FBN1: variants seen among roughly 807,000 people sequenced by gnomAD.
FBN1 encodes the protein fibrillin 1, also known as fibrillin-1.
Under a neutral mutation model 365.1 loss-of-function variants are expected in FBN1, and 29 were observed. That is an observed-to-expected ratio of 0.08 (90% CI 0.06 to 0.11). The LOEUF (loss-of-function observed/expected upper bound fraction) is 0.11, where lower values mean the gene tolerates loss of function less well. Among genes scored for constraint, FBN1 ranks in the 10% least tolerant of loss-of-function variants. FBN1 has a pLI of 1.00. For missense variants in FBN1, 2,476 were observed against 3,703.2 expected (o/e 0.67, Z 8.60); for synonymous variants, 1,210 against 1,270.5 (o/e 0.95, Z 1.01).
chr15:48,458,454 T>C (rs1488899995), intron 43 of FBN1, among the ~76,000 whole-genome samples: 1 of 152,222 alleles, frequency 6.6e-6, no homozygotes, highest in African/African-American at 2.4e-5. Flanking sequence ...CTTTCACACC[T>C]TTGTCATTCA....
At chr15:48,587,571 G>A (rs1457252152) in intron 6 of FBN1, among the ~76,000 whole-genome samples, 1 of 152,094 alleles carries the variant, frequency 6.6e-6, no homozygotes, top group Non-Finnish European at 1.5e-5. Flanking sequence ...TTTTCCCCAG[G>A]TCAATACAAG....
rs549747216 is a variant in FBN1 at position 48,445,145 on chromosome 15, CAT to C, written c.5917+229_5917+230del. ...ACACATATATATATATACACACACA[CAT>C]ATATATATACATATATATATACACA... On this transcript the variant is annotated intron_variant, in intron 48 of 65. Coordinates refer to ENST00000316623, the MANE Select transcript of FBN1 (RefSeq NM_000138.5). 6.4e-3 allele frequency among the ~76,000 whole-genome samples: 684 copies of C among 106,776 alleles called. No homozygotes were observed. Among genetic ancestry groups the C allele is most frequent in the African/African-American group, 0.025 (615 of 25,048 alleles). 70.0% of individuals were successfully genotyped at this position (106,776 alleles called of 152,430 possible).
chr15:48,490,516 G>A (rs987217147), intron 24 of FBN1, among the ~76,000 whole-genome samples: 2 of 152,176 alleles, frequency 1.3e-5, no homozygotes, highest in Non-Finnish European at 2.9e-5. Context: ...CTTTTCCTCC[G>A]ACCCACTTCA....
At chr15:48,498,467 T>C (rs139695816) in intron 18 of FBN1, among the ~76,000 whole-genome samples, 13 of 152,322 alleles carry the variant, frequency 8.5e-5, no homozygotes, top group Non-Finnish European at 1.8e-4. Context: ...CTTTTTAACT[T>C]TAATTCCTTG....
chr15:48,467,817 A>G (rs2043334999), intron 38 of FBN1, 121 bp downstream of exon 38: 1 of 938,356 alleles, frequency 1.1e-6, no homozygotes, highest in Non-Finnish European at 1.7e-6. Context: ...GGTCCCCTCT[A>G]CAGGGCTGAG....
chr15:48,437,619 C>T, intron 51 of FBN1, 149 bp downstream of exon 51: 1 of 960,378 alleles, frequency 1.0e-6, no homozygotes, highest in Non-Finnish European at 1.6e-6. Context: ...TACCAAGCTC[C>T]TGAGATAAAA....
intron 49 of FBN1, among the ~76,000 whole-genome samples, chr15:48,442,245 T>C (rs2043121633): frequency 6.6e-6 from 1 of 152,200 alleles, no homozygotes; most frequent in African/African-American, 2.4e-5. Context: ...ACATTGCTAG[T>C]GACTCACTCA....
At chr15:48,614,543 C>A (rs1208614502) in intron 2 of FBN1, among the ~76,000 whole-genome samples, 2 of 152,128 alleles carry the variant, frequency 1.3e-5, no homozygotes, top group African/African-American at 4.8e-5. Flanking sequence ...CCCTGCAGGG[C>A]ACCACACATG....
intron 6 of FBN1, among the ~76,000 whole-genome samples, chr15:48,558,670 C>G (rs927537355): frequency 6.6e-6 from 1 of 152,138 alleles, no homozygotes; most frequent in Admixed American, 6.5e-5. Flanking sequence ...GAATAGCAGA[C>G]AGATCAGATT....
At chr15:48,413,067 T>C (rs1274648525) in intron 64 of FBN1, among the ~76,000 whole-genome samples, 1 of 152,218 alleles carries the variant, frequency 6.6e-6, no homozygotes, top group African/African-American at 2.4e-5. Context: ...AACAAGAGAA[T>C]AGTAGATGAG....
chr15:48,532,866 T>C (rs10152750), intron 8 of FBN1, among the ~76,000 whole-genome samples: 1 of 152,200 alleles, frequency 6.6e-6, no homozygotes, highest in Non-Finnish European at 1.5e-5. Flanking sequence ...GAAAGAACTA[T>C]TTTTTCACAA....
intron 8 of FBN1, among the ~76,000 whole-genome samples, chr15:48,531,918 G>A (rs1007787072): frequency 1.3e-5 from 2 of 151,952 alleles, no homozygotes; most frequent in African/African-American, 4.8e-5. Context: ...TGTAATAGTA[G>A]ATGGCAAAGG....
rs1233416310 is a variant in FBN1 at position 48,526,370 on chromosome 15, A to G, written c.863-115T>C. 8 of 1,162,250 alleles carry G rather than the reference A, an allele frequency of 6.9e-6. No individual in the cohort carries two copies. In the East Asian group the frequency reaches 7.3e-5, roughly 11 times the overall value. 72.0% of individuals were successfully genotyped at this position (1,162,250 alleles called of 1,614,324 possible). A position where few individuals can be genotyped will look rare whatever the true frequency, so the allele number is the denominator to read the frequency against. ...AATCATGTCCCTGGAAACAGCCATCATTAAAAAGTAAAAACCGCATGGAGA... is the reference window on the plus strand; with the variant it reads ...AATCATGTCCCTGGAAACAGCCATCGTTAAAAAGTAAAAACCGCATGGAGA... On this transcript the variant is annotated intron_variant, in intron 8 of 65. Coordinates refer to ENST00000316623, the MANE Select transcript of FBN1 (RefSeq NM_000138.5).
intron 8 of FBN1, among the ~76,000 whole-genome samples, chr15:48,529,922 C>T (rs1276226517): frequency 1.9e-5 from 2 of 105,444 alleles, no homozygotes; most frequent in Non-Finnish European, 3.9e-5. Flanking sequence ...CGCCCGATCA[C>T]AACTTGAAAA....
In FBN1 at chr15:48,463,980, T is replaced by A. The variant is rs1471557498; in HGVS notation, c.4984A>T (p.Thr1662Ser). Residue 1662 changes from threonine to serine, a missense_variant, in exon 41 of 66, where the codon ACA (threonine) becomes TCA (serine). Physicochemically the swap from Thr to Ser is moderately conservative, Grantham distance 58 (BLOSUM62 1). Transcript: ENST00000316623. ...TAGTTGCCAACGGTGTTGTAACATG[T>A]CCCTGGACCACAGATTCCAGGAGTC... ...CETPGICGPGTCYNTVGNYTC... is the reference protein window; with the variant it reads ...CETPGICGPGSCYNTVGNYTC... The A allele has an allele frequency of 6.2e-7, 1 of 1,613,616 alleles. No homozygotes were observed. Among genetic ancestry groups the A allele is most frequent in the Admixed American group, 1.7e-5 (1 of 60,016 alleles).
In FBN1 at chr15:48,551,411, C is replaced by T. The variant is rs193254736; in HGVS notation, c.539-13603G>A. Among the ~76,000 whole-genome samples, 231 of 152,066 alleles carry T rather than the reference C, an allele frequency of 1.5e-3. 2 individuals carry two copies. The highest frequency in any genetic ancestry group is 5.0e-3 in the African/African-American group (208 of 41,460). Reference sequence around the variant, plus strand: ...AAGTTATCTCTACTCCCTTGCCTGGCCTTTTGTTAAAAACAACAGTTGAAT... The same window carrying T: ...AAGTTATCTCTACTCCCTTGCCTGGTCTTTTGTTAAAAACAACAGTTGAAT... On this transcript the variant is annotated intron_variant, in intron 6 of 65. Transcript: ENST00000316623.
chr15:48,483,761 T>C, intron 31 of FBN1, 57 bp downstream of exon 31: 1 of 1,605,474 alleles, frequency 6.2e-7, no homozygotes, highest in Non-Finnish European at 8.5e-7. Context: ...CTTTATGTAA[T>C]TTAACAGTGC....
In FBN1 at chr15:48,428,564, C is replaced by T. The variant is rs559172589; in HGVS notation, c.6872-93G>A. The T allele has an allele frequency of 6.4e-4, 897 of 1,396,458 alleles. 7 individuals are homozygous for T. Among genetic ancestry groups the T allele is most frequent in the East Asian group, 2.3e-4 (10 of 43,524 alleles). The allele number at this position is 1,396,458 out of a possible 1,614,324, so 86.5% of individuals were successfully genotyped here. A position where few individuals can be genotyped will look rare whatever the true frequency, so the allele number is the denominator to read the frequency against. On this transcript the variant is annotated intron_variant, in intron 56 of 65. Transcript: ENST00000316623. ...CCTTCCTTCGTTCCTTCCTTCCTCC[C>T]TCCCTCCTTCCCTCCCTTTGTTCCT... is the stretch of plus-strand genomic sequence containing the variant.
chr15:48,468,627 CA>C, intron 36 of FBN1, 93 bp from the exon 37 acceptor site: 1 of 1,400,542 alleles, frequency 7.1e-7, no homozygotes, highest in Non-Finnish European at 1.0e-6. Flanking sequence ...GAGCTCCAAA[CA>C]AGAATTTTAA....
Sources: gnomAD v4.1 joint callset for allele counts (sites outside exome capture counted in the v4.1 genomes callset) on GRCh38, gnomAD v4.1.1 for gene constraint, MANE v1.5 for transcripts, NCBI Gene and HGNC (gene_info 2026-07-23, HGNC 2026-07-21) for gene names.